The following UNC79 variants were observed in gnomAD, a reference collection of about 807,000 sequenced individuals.
UNC79 encodes protein unc-79 homolog.
In UNC79, 37 loss-of-function variants were observed where a neutral mutation model predicts 283.1. That is an observed-to-expected ratio of 0.13 (90% CI 0.10 to 0.17). The LOEUF (loss-of-function observed/expected upper bound fraction) is 0.17. Among genes scored for constraint, UNC79 ranks in the 10% least tolerant of loss-of-function variants. UNC79 has a pLI of 1.00. For synonymous variants in UNC79, 1,107 were observed against 1,200.2 expected (o/e 0.92, Z 1.61); for missense variants, 2,272 against 3,211.1 (o/e 0.71, Z 7.07).
At chr14:93,580,300 A>G in exon 19 of UNC79, 2 of 1,614,222 alleles carry the variant, frequency 1.2e-6, no homozygotes, top group Non-Finnish European at 1.7e-6. Context: ...AACTTATGTC[A>G]GTCTAGTATC....
intron 14 of UNC79, among the ~76,000 whole-genome samples, chr14:93,566,822 T>C (rs2062921089): frequency 6.6e-6 from 1 of 152,022 alleles, no homozygotes; most frequent in Admixed American, 6.6e-5. Flanking sequence ...TTTCACCATG[T>C]TGGCAAGGAT....
intron 31 of UNC79, among the ~76,000 whole-genome samples, chr14:93,633,737 A>G (rs1384717217): frequency 6.6e-6 from 1 of 152,126 alleles, no homozygotes; most frequent in African/African-American, 2.4e-5. Context: ...AGTGTTTTTC[A>G]TTGTTTTCTG....
At chr14:93,554,159 C>T (rs1189761672) in intron 14 of UNC79, among the ~76,000 whole-genome samples, 1 of 152,000 alleles carries the variant, frequency 6.6e-6, no homozygotes, top group Non-Finnish European at 1.5e-5. Context: ...ACCAGCCTGG[C>T]CAACACAGTG....
At chr14:93,424,414 G>A (rs1179020482) in intron 1 of UNC79, among the ~76,000 whole-genome samples, 1 of 152,162 alleles carries the variant, frequency 6.6e-6, no homozygotes, top group Non-Finnish European at 1.5e-5. Context: ...GCACTCTCAT[G>A]TTTATTGCAG....
chr14:93,359,198 A>G (rs1353026044), intron 1 of UNC79, among the ~76,000 whole-genome samples: 1 of 152,198 alleles, frequency 6.6e-6, no homozygotes, highest in Non-Finnish European at 1.5e-5. Flanking sequence ...AAGATGGCCC[A>G]CTGCAAGTGA....
Position 93,653,636 on chromosome 14 carries a change from A to G in UNC79, c.6084-106A>G. Reference sequence around the variant, plus strand: ...TCACTGATGAACATGACAGTGAGCTATCCCATCAGAGGCATGGTGTGCAAA... The same window carrying G: ...TCACTGATGAACATGACAGTGAGCTGTCCCATCAGAGGCATGGTGTGCAAA... On this transcript the variant is annotated intron_variant, in intron 35 of 48. Transcript: ENST00000555664. 3.2e-6 allele frequency: 3 copies of G among 932,588 alleles called. No individual in the cohort carries two copies. In the South Asian group the frequency reaches 4.7e-5, roughly 14 times the overall value. 57.8% of individuals were successfully genotyped at this position (932,588 alleles called of 1,614,324 possible). A position where few individuals can be genotyped will look rare whatever the true frequency, so the allele number is the denominator to read the frequency against.
intron 28 of UNC79, among the ~76,000 whole-genome samples, 166 bp from the exon 30 acceptor site, chr14:93,618,026 A>C (rs1401399059): frequency 6.6e-6 from 1 of 152,164 alleles, no homozygotes; most frequent in East Asian, 1.9e-4. Flanking sequence ...TCTCTAACTA[A>C]ACAAATAAAT....
At chr14:93,432,103 T>C (rs2055904361) in intron 1 of UNC79, among the ~76,000 whole-genome samples, 1 of 152,230 alleles carries the variant, frequency 6.6e-6, no homozygotes, top group Admixed American at 6.5e-5. Context: ...TCTTTGTAAT[T>C]CTTCTTTGGA....
intron 32 of UNC79, among the ~76,000 whole-genome samples, chr14:93,639,684 GTTC>G (rs759801685): frequency 6.6e-6 from 1 of 152,214 alleles, no homozygotes; most frequent in Non-Finnish European, 1.5e-5. Flanking sequence ...ATTTGCAAAT[GTTC>G]TTCTTATACT....
At chr14:93,479,645 T>C (rs1432284235) in intron 4 of UNC79, among the ~76,000 whole-genome samples, 2 of 152,254 alleles carry the variant, frequency 1.3e-5, no homozygotes, top group Non-Finnish European at 2.9e-5. Context: ...TCTTTTCTTT[T>C]CTTTTTTGAT....
intron 7 of UNC79, among the ~76,000 whole-genome samples, chr14:93,514,441 T>C (rs545568268): frequency 6.6e-6 from 1 of 152,322 alleles, no homozygotes; most frequent in South Asian, 2.1e-4. Flanking sequence ...TTTGGCTACA[T>C]TGGAAATACA....
At chr14:93,418,751 T>A (rs187754499) in intron 1 of UNC79, among the ~76,000 whole-genome samples, 18,285 of 151,850 alleles carry the variant, frequency 0.12, 1,547 homozygotes, top group African/African-American at 0.21. Context: ...CCAGCCTCGC[T>A]GCCGCCTTGC....
chr14:93,543,202 G>GTATATA (rs34597873), intron 14 of UNC79, among the ~76,000 whole-genome samples: 1 of 149,300 alleles, frequency 6.7e-6, no homozygotes, highest in African/African-American at 2.5e-5. Flanking sequence ...TTTTAATCAT[G>GTATATA]TATATATATA....
intron 7 of UNC79, among the ~76,000 whole-genome samples, chr14:93,507,650 C>T (rs1055900550): frequency 2.0e-5 from 3 of 152,012 alleles, no homozygotes; most frequent in Admixed American, 2.0e-4. Flanking sequence ...TATTTTATTC[C>T]AGTCTTGGGG....
chr14:93,597,428 A>C, exon 24 of UNC79: 2 of 1,614,144 alleles, frequency 1.2e-6, no homozygotes, highest in Non-Finnish European at 1.7e-6. Context: ...CTGCTGAAGT[A>C]CTCCCTGGCA....
At chr14:93,401,938 C>T (rs1222840887) in intron 1 of UNC79, among the ~76,000 whole-genome samples, 1 of 152,104 alleles carries the variant, frequency 6.6e-6, no homozygotes, top group East Asian at 1.9e-4. Flanking sequence ...GCCTCTCACA[C>T]AGGACGTATC....
At chr14:93,705,158 G>A (rs1443483062) in intron 48 of UNC79, among the ~76,000 whole-genome samples, 4 of 151,932 alleles carry the variant, frequency 2.6e-5, no homozygotes, top group African/African-American at 9.7e-5. Flanking sequence ...TCACTTGGAA[G>A]CCCAGGAGTT....
intron 16 of UNC79, among the ~76,000 whole-genome samples, chr14:93,574,815 A>G (rs1456899781): frequency 1.3e-5 from 2 of 151,772 alleles, no homozygotes; most frequent in Non-Finnish European, 2.9e-5. Flanking sequence ...AGAAACTGAG[A>G]AGTGTTAATA....
intron 2 of UNC79, among the ~76,000 whole-genome samples, chr14:93,471,444 C>T (rs777296379): frequency 5.3e-5 from 8 of 152,116 alleles, no homozygotes; most frequent in Non-Finnish European, 1.2e-4. Flanking sequence ...AAGCTGGCTG[C>T]AGAGTCAAAC....
Sources: allele counts gnomAD v4.1 joint callset (sites outside exome capture counted in the v4.1 genomes callset), GRCh38; gene constraint gnomAD v4.1.1; transcripts MANE v1.5; gene names NCBI Gene and HGNC (gene_info 2026-07-23, HGNC 2026-07-21).